CLEC2A: variants seen among roughly 807,000 people sequenced by gnomAD.
CLEC2A encodes the protein C-type lectin domain family 2 member A.
A neutral mutation model predicts 18.6 loss-of-function variants in CLEC2A; 19 were observed. That is an observed-to-expected ratio of 1.02 (90% confidence interval 0.71 to 1.50). The LOEUF (loss-of-function observed/expected upper bound fraction) is 1.50. Ranked by LOEUF, CLEC2A falls within the 40% of genes most tolerant of loss-of-function variation. CLEC2A has a pLI of 0.00. For missense variants in CLEC2A, 190 were observed against 207.9 expected (o/e 0.91, Z 0.53); for synonymous variants, 74 against 64.0 (o/e 1.16, Z -0.75).
intron 1 of CLEC2A, among the ~76,000 whole-genome samples, chr12:9,928,489 G>GA (rs1863315789): frequency 6.6e-6 from 1 of 151,454 alleles, no homozygotes; most frequent in Non-Finnish European, 1.5e-5. Context: ...AAGAAAGAAA[G>GA]AAGAAGGAAA....
At chr12:9,916,603 C>A in intron 4 of CLEC2A, 97 bp downstream of exon 4, 1 of 808,158 alleles carries the variant, frequency 1.2e-6, no homozygotes, top group Non-Finnish European at 2.0e-6. Flanking sequence ...ACATGGAAAA[C>A]AGAAAGATTT....
intron 4 of CLEC2A, among the ~76,000 whole-genome samples, chr12:9,902,145 G>A (rs1159862105): frequency 2.6e-5 from 4 of 150,994 alleles, no homozygotes; most frequent in Non-Finnish European, 5.9e-5. Flanking sequence ...ATTTTCAGTA[G>A]TTTCCACTAA....
At chr12:9,926,066 T>C (rs1015032915) in intron 2 of CLEC2A, among the ~76,000 whole-genome samples, 194 bp downstream of exon 2, 4 of 152,210 alleles carry the variant, frequency 2.6e-5, no homozygotes, top group Middle Eastern at 3.2e-3. Context: ...CATAATTCTA[T>C]TGTAAAACTG....
downstream of CLEC2A, among the ~76,000 whole-genome samples, chr12:9,910,008 G>A (rs748716578): frequency 2.0e-5 from 3 of 152,088 alleles, no homozygotes; most frequent in Non-Finnish European, 2.9e-5. Context: ...GGGTAAAGGA[G>A]GACAGGTCCT....
At chr12:9,880,254 G>A in the CLEC2A span, among the ~76,000 whole-genome samples, 1 of 152,200 alleles carries the variant, frequency 6.6e-6, no homozygotes, top group African/African-American at 2.4e-5. Flanking sequence ...GAGATGACTT[G>A]TCGGAAACTC....
chr12:9,916,921 A>G, intron 3 of CLEC2A, 118 bp from the exon 4 acceptor site: 2 of 647,922 alleles, frequency 3.1e-6, no homozygotes, highest in South Asian at 3.9e-5. Flanking sequence ...GTCTTCCCTG[A>G]TGCTTCTATA....
Position 9,903,829 on chromosome 12 carries a change from G to A in CLEC2A, c.411-4853C>T, listed in dbSNP as rs139157034. Reference sequence around the variant, plus strand: ...TGATTTTGGGACTTAAATTCATCTGGGACTCCTCTCGGGACTCCAATGGCA... The same window carrying A: ...TGATTTTGGGACTTAAATTCATCTGAGACTCCTCTCGGGACTCCAATGGCA... On this transcript the variant is annotated intron_variant, in intron 4 of 4. Transcript: ENST00000339766. 1.3e-3 allele frequency among the ~76,000 whole-genome samples: 194 copies of A among 152,224 alleles called. 1 individual carries two copies. The highest frequency in any genetic ancestry group is 1.5e-3 in the Admixed American group (23 of 15,298).
rs138914180 is a variant in CLEC2A at position 9,913,606 on chromosome 12, T to A, written c.485A>T (p.Asp162Val). The A allele has an allele frequency of 9.6e-3, 14,881 of 1,549,824 alleles. 95 individuals carry two copies. The highest frequency in any genetic ancestry group is 0.012 in the Non-Finnish European group (13,228 of 1,146,700). ...DGVHSSRGFIDIKWICSKPKY... is the reference protein window; with the variant it reads ...DGVHSSRGFIVIKWICSKPKY... Reference sequence around the variant, plus strand: ...AGGTTTGCTGCAAATCCACTTGATATCAATAAATCCTCTGGAACTATGGAC... The same window carrying A: ...AGGTTTGCTGCAAATCCACTTGATAACAATAAATCCTCTGGAACTATGGAC... The change falls in exon 5 of 5, where the codon GAT becomes GTT. Residue 162 changes from aspartate (D) to valine (V), a missense_variant. Physicochemically the swap from Asp to Val is radical, Grantham distance 152. Coordinates refer to ENST00000455827, the MANE Select transcript of CLEC2A (RefSeq NM_001130711.2).
intron 1 of CLEC2A, among the ~76,000 whole-genome samples, chr12:9,928,103 T>C (rs1436484259): frequency 1.3e-5 from 2 of 152,204 alleles, no homozygotes; most frequent in Non-Finnish European, 2.9e-5. Flanking sequence ...TGAGAATTAG[T>C]AAAGCTGTCT....
At chr12:9,912,665 C>CA (rs3053814), downstream of CLEC2A, among the ~76,000 whole-genome samples, 36,707 of 142,690 alleles carry the variant, frequency 0.26, 5,620 homozygotes, top group African/African-American at 0.44. Context: ...GGGTGAAAAG[C>CA]AAAAAAAAAA....
chr12:9,927,712 CT>C (rs1236489294), intron 1 of CLEC2A, among the ~76,000 whole-genome samples: 1 of 152,068 alleles, frequency 6.6e-6, no homozygotes, highest in Non-Finnish European at 1.5e-5. Context: ...AATTTCAAGA[CT>C]GGATTGAGAG....
At chr12:9,912,871 C>G (rs1454903039), downstream of CLEC2A, among the ~76,000 whole-genome samples, 1 of 152,176 alleles carries the variant, frequency 6.6e-6, no homozygotes, top group African/African-American at 2.4e-5. Context: ...CTCATTTTCA[C>G]ACTGTAATCA....
At chr12:9,895,687 A>T, downstream of CLEC2A, 1 of 1,522,716 alleles carries the variant, frequency 6.6e-7, no homozygotes, top group Admixed American at 2.1e-5. Context: ...TTTGTCTCTT[A>T]GGTTTTCAGT....
chr12:9,909,334 G>C (rs1862947899), downstream of CLEC2A, among the ~76,000 whole-genome samples: 1 of 152,186 alleles, frequency 6.6e-6, no homozygotes, highest in Non-Finnish European at 1.5e-5. Flanking sequence ...CTTGGGCACG[G>C]AATTCCTCGT....
the CLEC2A span, chr12:9,893,094 A>G: frequency 6.5e-7 from 1 of 1,535,880 alleles, no homozygotes. Context: ...TTCTTTTAAA[A>G]CGTGGAAAGA....
At chr12:9,929,564 TA>T (rs1863339718) in intron 1 of CLEC2A, among the ~76,000 whole-genome samples, 1 of 152,190 alleles carries the variant, frequency 6.6e-6, no homozygotes, top group African/African-American at 2.4e-5. Flanking sequence ...AAAATTTTAA[TA>T]TTTTTTGCAC....
the CLEC2A span, among the ~76,000 whole-genome samples, chr12:9,878,728 G>A: frequency 6.6e-6 from 1 of 152,118 alleles, no homozygotes; most frequent in African/African-American, 2.4e-5. Context: ...AGAACTGAGG[G>A]GTCTGGCGCC....
rs916674797 is a variant in CLEC2A at position 9,932,291 on chromosome 12, G to T, written c.39C>A (p.Gly13=). 15 of 1,551,236 alleles carry T rather than the reference G, an allele frequency of 9.7e-6. No homozygotes were observed. ...AAAACTTACCTATCCGATGTATGAA[G>T]CCATCAGCTCTGCCATCCCGCAGCT... ...NPELRDGRAD[G]FIHRIVPKLI... Residue 13 remains glycine (G), a synonymous_variant, in exon 1 of 5, where the codon GGC becomes GGA. Transcript: ENST00000455827.
intron 4 of CLEC2A, among the ~76,000 whole-genome samples, chr12:9,916,442 T>C (rs1397654668): frequency 3.3e-5 from 5 of 152,050 alleles, no homozygotes; most frequent in African/African-American, 4.8e-5. Flanking sequence ...AAGCAAGAGC[T>C]TGATAATAAA....
Sources: allele counts gnomAD v4.1 joint callset (sites outside exome capture counted in the v4.1 genomes callset), GRCh38; gene constraint gnomAD v4.1.1; transcripts MANE v1.5; gene names NCBI Gene and HGNC (gene_info 2026-07-23, HGNC 2026-07-21).